Variants in GTPBP10 observed in about 807,000 individuals in gnomAD.
The protein encoded by GTPBP10 is GTP binding protein 10, also known as GTP-binding protein 10.
GTPBP10 carries 38 observed loss-of-function variants against 44.8 expected under a neutral mutation model. The ratio of observed to expected loss-of-function variants is 0.85; its 90% confidence interval spans 0.65 to 1.11. The LOEUF (loss-of-function observed/expected upper bound fraction) is 1.11, where lower values mean the gene tolerates loss of function less well. Ranked by LOEUF, GTPBP10 falls within the 50% of genes most tolerant of loss-of-function variation. The pLI is 0.00. For missense variants in GTPBP10, 462 were observed against 453.7 expected, an observed-to-expected ratio of 1.02 and a Z score of -0.17; for synonymous variants, 152 against 150.6, an observed-to-expected ratio of 1.01 and a Z score of -0.07.
intron 1 of GTPBP10, among the ~76,000 whole-genome samples, chr7:90,347,293 C>T (rs191316432): frequency 6.6e-6 from 1 of 152,140 alleles, no homozygotes; most frequent in East Asian, 1.9e-4. Flanking sequence ...TAAATCTTAT[C>T]CTATCAGTAA....
chr7:90,390,082 A>G lies in GTPBP10; in HGVS notation c.*4928A>G, dbSNP rs1796591195. On this transcript the variant is annotated 3_prime_UTR_variant, in exon 10 of 10. Coordinates refer to ENST00000222511, the MANE Select transcript of GTPBP10 (RefSeq NM_033107.4). Reference sequence around the variant, plus strand: ...CTAGGATTATAGGCATGAGCCATTTATGCCCAGCCAGTTTTCTTTTTTCTA... The same window carrying G: ...CTAGGATTATAGGCATGAGCCATTTGTGCCCAGCCAGTTTTCTTTTTTCTA... 1 of 152,210 alleles carries G rather than the reference A, an allele frequency of 6.6e-6. No homozygotes were observed. Among genetic ancestry groups the G allele is most frequent in the Non-Finnish European group, 1.5e-5 (1 of 68,048 alleles). 9.4% of individuals were successfully genotyped at this position (152,210 alleles called of 1,614,324 possible).
chr7:90,390,852 T>C lies in GTPBP10; in HGVS notation c.*5698T>C, dbSNP rs1165868707. On this transcript the variant is annotated 3_prime_UTR_variant, in exon 10 of 10. Transcript: ENST00000222511. ...CTTTAAGAAGACTATAGTATAATTT[T>C]CTTAAGAAAAAAGACATGATTATAA... 6.6e-6 allele frequency: 1 copy of C among 152,192 alleles called. No homozygotes were observed. The highest frequency in any genetic ancestry group is 2.4e-5 in the African/African-American group (1 of 41,456). 9.4% of individuals were successfully genotyped at this position (152,192 alleles called of 1,614,324 possible). A position where few individuals can be genotyped will look rare whatever the true frequency, so the allele number is the denominator to read the frequency against.
chr7:90,349,349 C>G (rs1368775767), intron 1 of GTPBP10, among the ~76,000 whole-genome samples: 2 of 152,086 alleles, frequency 1.3e-5, no homozygotes, highest in Non-Finnish European at 2.9e-5. Context: ...GGCTGATTTA[C>G]AGACATTGTG....
intron 1 of GTPBP10, 43 bp from the exon 2 acceptor site, chr7:90,352,771 GAT>G (rs1261741006): frequency 6.9e-7 from 1 of 1,447,116 alleles, no homozygotes; most frequent in Admixed American, 2.2e-5. Context: ...GTTCTAAGGT[GAT>G]ACACTTTTGG....
At chr7:90,378,264 A>T (rs1796378807) in intron 8 of GTPBP10, 53 bp downstream of exon 8, 1 of 1,540,690 alleles carries the variant, frequency 6.5e-7, no homozygotes, top group African/African-American at 1.4e-5. Context: ...ATAGGAATGT[A>T]AGACTATATG....
rs1192386653 is a variant in GTPBP10 at position 90,385,005 on chromosome 7, A to G, written c.1015A>G (p.Ile339Val). The G allele has an allele frequency of 4.3e-6, 7 of 1,614,016 alleles. No individual in the cohort carries two copies. The highest frequency in any genetic ancestry group is 1.7e-4 in the Middle Eastern group (1 of 6,058). The change falls in exon 10 of 10, where the codon ATA becomes GTA. Residue 339 changes from isoleucine to valine, a missense_variant. By Grantham distance (29) the Ile-to-Val change is conservative. Transcript: ENST00000222511. ...AGGAATCGAAGAATTAAAGAATTGT[A>G]TAAGAAAGTCACTGGATGAACAGGC... ...GEGIEELKNC[I>V]RKSLDEQANQ...
At chr7:90,352,752 T>C in intron 1 of GTPBP10, 64 bp from the exon 2 acceptor site, 3 of 1,243,886 alleles carry the variant, frequency 2.4e-6, no homozygotes, top group South Asian at 3.8e-5. Flanking sequence ...AAGAAAGAAC[T>C]AGAAAAAGGT....
chr7:90,362,392 C>G (rs552049224), intron 4 of GTPBP10, among the ~76,000 whole-genome samples: 1 of 152,022 alleles, frequency 6.6e-6, no homozygotes, highest in Non-Finnish European at 1.5e-5. Flanking sequence ...CGTTATGTAC[C>G]CAGTAGTCAT....
chr7:90,370,655 T>G (rs983683283), intron 4 of GTPBP10, among the ~76,000 whole-genome samples: 3 of 152,074 alleles, frequency 2.0e-5, no homozygotes, highest in Non-Finnish European at 2.9e-5. Flanking sequence ...AATGTATCCA[T>G]GTAACAACAA....
At chr7:90,378,088 A>G (rs375646062) in intron 7 of GTPBP10, 46 bp from the exon 8 acceptor site, 22 of 1,556,890 alleles carry the variant, frequency 1.4e-5, no homozygotes, top group Middle Eastern at 3.9e-4. Flanking sequence ...ATGTATAGCT[A>G]TTCTTCGTAT....
intron 4 of GTPBP10, among the ~76,000 whole-genome samples, chr7:90,365,750 C>CTTTA (rs1405964738): frequency 6.6e-6 from 1 of 152,202 alleles, no homozygotes; most frequent in Non-Finnish European, 1.5e-5. Flanking sequence ...ATTGAATACC[C>CTTTA]TTTATTTCTC....
intron 4 of GTPBP10, among the ~76,000 whole-genome samples, chr7:90,368,069 G>T (rs373571213): frequency 6.6e-6 from 1 of 152,130 alleles, no homozygotes; most frequent in African/African-American, 2.4e-5. Flanking sequence ...TGAAATTCTG[G>T]ATTGAAAATT....
chr7:90,365,775 GC>G (rs1299816760), intron 4 of GTPBP10, among the ~76,000 whole-genome samples: 2 of 152,206 alleles, frequency 1.3e-5, no homozygotes, highest in Non-Finnish European at 2.9e-5. Context: ...TTGCCTGACG[GC>G]CCTGGCCAAA....
intron 4 of GTPBP10, among the ~76,000 whole-genome samples, chr7:90,364,521 G>A (rs956548971): frequency 1.3e-5 from 2 of 152,198 alleles, no homozygotes; most frequent in Admixed American, 6.5e-5. Flanking sequence ...ACCTGGCTAT[G>A]TAAGGTGTCA....
chr7:90,369,759 G>T (rs149124178), intron 4 of GTPBP10, among the ~76,000 whole-genome samples: 1 of 152,134 alleles, frequency 6.6e-6, no homozygotes, highest in Admixed American at 6.5e-5. Flanking sequence ...AAAATCCCCC[G>T]ATCCCTTGTG....
At position 90,366,388 on chromosome 7, in the gene GTPBP10, CT is replaced by C. The variant is rs761254122; in HGVS notation, c.465-5766del. On this transcript the variant is annotated intron_variant, in intron 4 of 9. Coordinates refer to ENST00000222511, the MANE Select transcript of GTPBP10 (RefSeq NM_033107.4). ...TCTTTGTACCTCTGGTAGAATTGAG[CT>C]GTGAATCCACCTCGTCCTGGACTTT... Among the ~76,000 whole-genome samples, 113 of 152,294 alleles carry C rather than the reference CT, an allele frequency of 7.4e-4. 1 individual carries two copies. The highest frequency in any genetic ancestry group is 3.4e-3 in the Middle Eastern group (1 of 294).
intron 4 of GTPBP10, among the ~76,000 whole-genome samples, chr7:90,369,287 C>G (rs1796204209): frequency 6.6e-6 from 1 of 152,186 alleles, no homozygotes; most frequent in African/African-American, 2.4e-5. Context: ...TGTCCCTTCT[C>G]AGAGCTTGAA....
intron 4 of GTPBP10, among the ~76,000 whole-genome samples, chr7:90,361,679 T>C (rs1188620217): frequency 1.3e-5 from 2 of 152,220 alleles, no homozygotes; most frequent in Non-Finnish European, 2.9e-5. Flanking sequence ...CTTTTTCTAT[T>C]GATTGGAATG....
chr7:90,379,212 C>A (rs1444901250), intron 8 of GTPBP10, among the ~76,000 whole-genome samples: 2 of 152,168 alleles, frequency 1.3e-5, no homozygotes, highest in East Asian at 3.8e-4. Context: ...TCTCTGAAAT[C>A]CATCCTCTTG....
Sources: gnomAD v4.1 joint callset for allele counts (sites outside exome capture counted in the v4.1 genomes callset) on GRCh38, gnomAD v4.1.1 for gene constraint, MANE v1.5 for transcripts, NCBI Gene and HGNC (gene_info 2026-07-23, HGNC 2026-07-21) for gene names.